LARGE1: variants seen among roughly 807,000 people sequenced by gnomAD.
LARGE1 encodes the protein LARGE xylosyl- and glucuronyltransferase 1, also known as xylosyl- and glucuronyltransferase LARGE1.
Under a neutral mutation model 87.6 loss-of-function variants are expected in LARGE1, and 43 were observed. The ratio of observed to expected loss-of-function variants is 0.49; its 90% CI spans 0.38 to 0.63. LARGE1 has a LOEUF of 0.63. LARGE1 is among the 30% of genes least tolerant of loss of function. The pLI is 0.00. For missense variants in LARGE1, 802 were observed against 1,000.2 expected (o/e 0.80, Z 2.67); for synonymous variants, 434 against 394.6 (o/e 1.10, Z -1.18).
intron 9 of LARGE1, among the ~76,000 whole-genome samples, chr22:33,347,972 T>G: frequency 6.6e-6 from 1 of 152,040 alleles, no homozygotes; most frequent in East Asian, 1.9e-4. Flanking sequence ...AAACAGAACC[T>G]CTATGGGGGA....
intron 6 of LARGE1, among the ~76,000 whole-genome samples, chr22:33,541,044 T>G (rs1219039965): frequency 5.4e-3 from 18 of 3,360 alleles, no homozygotes; most frequent in African/African-American, 6.6e-3. Flanking sequence ...GTGGCTGGGG[T>G]GGTGGGTTGC....
intron 9 of LARGE1, among the ~76,000 whole-genome samples, chr22:33,353,104 C>T (rs1343959644): frequency 6.6e-6 from 1 of 152,224 alleles, no homozygotes; most frequent in Non-Finnish European, 1.5e-5. Context: ...TATGAATTTA[C>T]AACCACTATC....
intron 5 of LARGE1, among the ~76,000 whole-genome samples, chr22:33,584,826 G>C (rs1400419935): frequency 6.6e-6 from 1 of 152,206 alleles, no homozygotes; most frequent in Non-Finnish European, 1.5e-5. Flanking sequence ...AGATGAAAAA[G>C]AGAAAGTGGG....
intron 11 of LARGE1, among the ~76,000 whole-genome samples, chr22:33,251,310 G>T (rs1408060481): frequency 6.6e-6 from 1 of 152,106 alleles, no homozygotes; most frequent in Non-Finnish European, 1.5e-5. Flanking sequence ...CTTTCTCTGT[G>T]GAGGGAGCTC....
intron 11 of LARGE1, 142 bp from the exon 12 acceptor site, chr22:33,304,649 G>C: frequency 1.1e-6 from 1 of 874,782 alleles, no homozygotes; most frequent in South Asian, 1.8e-5. Context: ...GACTCACTCA[G>C]TTCCTTTACC....
the LARGE1 span, among the ~76,000 whole-genome samples, chr22:33,090,603 G>GCAC: frequency 1.3e-5 from 2 of 152,216 alleles, no homozygotes; most frequent in Non-Finnish European, 2.9e-5. Context: ...GGAGTGGAGT[G>GCAC]ATAGCAATGG....
At chr22:33,526,676 G>A (rs546493013) in intron 6 of LARGE1, among the ~76,000 whole-genome samples, 83 of 152,368 alleles carry the variant, frequency 5.4e-4, no homozygotes, top group African/African-American at 1.9e-3. Flanking sequence ...TCCATCAACT[G>A]CAAAGGCTGT....
intron 6 of LARGE1, among the ~76,000 whole-genome samples, chr22:33,512,905 G>T (rs5994763): frequency 0.04 from 6,101 of 152,228 alleles, 212 homozygotes; most frequent in African/African-American, 0.094. Context: ...ACCCTGTGAT[G>T]CTCACAATGT....
In LARGE1 at chr22:33,806,881, G is replaced by A. The variant is rs183665494; in HGVS notation, c.-82-45323C>T. ...AAAAATTAGCTGGGCATGGTGTCAC[G>A]TGCCTGTAGTCCCAGCTGCTCTGGA... On this transcript the variant is annotated intron_variant, in intron 1 of 14. Transcript: ENST00000397394. Among the ~76,000 whole-genome samples, 33 of 152,256 alleles carry A rather than the reference G, an allele frequency of 2.2e-4. No homozygotes were observed. The East Asian group carries it at 6.0e-3, about 28-fold the overall frequency.
intron 2 of LARGE1, among the ~76,000 whole-genome samples, chr22:33,701,018 A>T (rs1266211101): frequency 6.6e-6 from 1 of 152,072 alleles, no homozygotes; most frequent in African/African-American, 2.4e-5. Context: ...ATTTCCTGGG[A>T]TCTTGTTAAA....
At chr22:33,452,454 G>T (rs945425581) in intron 6 of LARGE1, among the ~76,000 whole-genome samples, 1 of 152,218 alleles carries the variant, frequency 6.6e-6, no homozygotes, top group Admixed American at 6.5e-5. Flanking sequence ...TCTCCTCCAG[G>T]AAGGGGCCCA....
intron 2 of LARGE1, among the ~76,000 whole-genome samples, chr22:33,652,385 T>C (rs1233382646): frequency 6.6e-6 from 1 of 151,980 alleles, no homozygotes; most frequent in African/African-American, 2.4e-5. Context: ...CTTATTAGTA[T>C]AAAAACCCCA....
At chr22:33,651,782 G>A (rs143175713) in intron 2 of LARGE1, among the ~76,000 whole-genome samples, 1 of 152,318 alleles carries the variant, frequency 6.6e-6, no homozygotes, top group East Asian at 1.9e-4. Context: ...AAAAGAAGTA[G>A]AAGCATGACC....
chr22:33,214,021 C>A (rs1358777647), intron 11 of LARGE1, among the ~76,000 whole-genome samples: 1 of 152,096 alleles, frequency 6.6e-6, no homozygotes, highest in Non-Finnish European at 1.5e-5. Context: ...GTAGAGACAG[C>A]GTTTCACCGT....
the LARGE1 span, among the ~76,000 whole-genome samples, chr22:33,089,371 C>CTTCCTT: frequency 1.3e-5 from 1 of 76,048 alleles, no homozygotes; most frequent in African/African-American, 6.3e-5. Context: ...TTCTTCTTCT[C>CTTCCTT]CTTCTTCTTC....
intron 11 of LARGE1, among the ~76,000 whole-genome samples, chr22:33,182,435 A>T (rs1421465484): frequency 6.6e-6 from 1 of 151,990 alleles, no homozygotes; most frequent in Non-Finnish European, 1.5e-5. Context: ...TTATGTGTTC[A>T]TGATTGATTT....
At position 33,167,130 on chromosome 22, in the gene LARGE1, A is replaced by G. The variant is rs371422594; in HGVS notation, c.1731-298T>C. Among the ~76,000 whole-genome samples, 6 of 152,204 alleles carry G rather than the reference A, an allele frequency of 3.9e-5. No homozygotes were observed. In the South Asian group the frequency reaches 1.2e-3, roughly 32 times the overall value. ...TCTATCACATTTCCAGTATTCTGCC[A>G]TATCCTAGGAATTTCCAGGAGAGGA... On this transcript the variant is annotated intron_variant, in intron 11 of 11. Coordinates refer to the LARGE1 transcript ENST00000608642.
chr22:33,588,927 T>C (rs2078757465), intron 5 of LARGE1, among the ~76,000 whole-genome samples: 1 of 152,154 alleles, frequency 6.6e-6, no homozygotes, highest in African/African-American at 2.4e-5. Context: ...GATCACACAG[T>C]GGTGTGTTGT....
intron 6 of LARGE1, among the ~76,000 whole-genome samples, chr22:33,467,234 C>A (rs566762003): frequency 6.6e-6 from 1 of 152,088 alleles, no homozygotes. Context: ...CAAATTGTGA[C>A]CCTCAGCTCG....
Sources: gnomAD v4.1 joint callset for allele counts (sites outside exome capture counted in the v4.1 genomes callset) on GRCh38, gnomAD v4.1.1 for gene constraint, MANE v1.5 for transcripts, NCBI Gene and HGNC (gene_info 2026-07-23, HGNC 2026-07-21) for gene names.